ZBTB20: variants seen among roughly 807,000 people sequenced by gnomAD.
The protein encoded by ZBTB20 is zinc finger and BTB domain containing 20.
A neutral mutation model predicts 56.9 loss-of-function variants in ZBTB20; 9 were observed. The ratio of observed to expected loss-of-function variants is 0.16; its 90% CI spans 0.10 to 0.28. The LOEUF is 0.28. ZBTB20 is among the 10% of genes least tolerant of loss of function. The pLI, the probability that ZBTB20 is intolerant of heterozygous loss-of-function variation, is 1.00. For missense variants in ZBTB20, 655 were observed against 1,003.0 expected (o/e 0.65, Z 4.69); for synonymous variants, 417 against 420.7 (o/e 0.99, Z 0.11).
chr3:114,844,520 C>CAAAAAAAAAAAAA lies in ZBTB20; in HGVS notation c.-416-43359_-416-43347dup, dbSNP rs71146342. Among the ~76,000 whole-genome samples, 44 of 22,808 alleles carry CAAAAAAAAAAAAA rather than the reference C, an allele frequency of 1.9e-3. 12 individuals are homozygous for CAAAAAAAAAAAAA. The highest frequency in any genetic ancestry group is 3.1e-3 in the East Asian group (2 of 644). 15.0% of individuals were successfully genotyped at this position (22,808 alleles called of 152,430 possible). A position where few individuals can be genotyped will look rare whatever the true frequency, so the allele number is the denominator to read the frequency against. On this transcript the variant is annotated intron_variant, in intron 4 of 11. Transcript: ENST00000675478. ...TGGTTGACAGAGCAAGTCCCTGTCT[C>CAAAAAAAAAAAAA]AAAAAAAAAAAAAAAAAAAAAAAAA...
rs536184045 is a variant in ZBTB20, at chr3:115,109,079, T to C, written c.-702-37665A>G. On this transcript the variant is annotated intron_variant, in intron 1 of 11. Transcript: ENST00000675478. ...AAAAATGTTATTTGTAATATCTCCC[T>C]GGCTCCAGAACAACGTATTAGACAC... Among the ~76,000 whole-genome samples, 68 of 152,300 alleles carry C rather than the reference T, an allele frequency of 4.5e-4. No homozygotes were observed. The South Asian group carries it at 0.011, about 26-fold the overall frequency.
chr3:114,722,825 C>A (rs1342473076), intron 5 of ZBTB20, among the ~76,000 whole-genome samples: 1 of 152,210 alleles, frequency 6.6e-6, no homozygotes, highest in African/African-American at 2.4e-5. Context: ...CATTTTATTT[C>A]TTCCAATCAA....
chr3:114,670,016 T>C (rs1176731692), intron 6 of ZBTB20, among the ~76,000 whole-genome samples: 1 of 152,092 alleles, frequency 6.6e-6, no homozygotes, highest in African/African-American at 2.4e-5. Flanking sequence ...TTGTGAGAAT[T>C]ATTATGAATA....
chr3:114,936,495 G>A (rs1049016773), intron 3 of ZBTB20, among the ~76,000 whole-genome samples: 13 of 152,002 alleles, frequency 8.6e-5, no homozygotes, highest in African/African-American at 3.1e-4. Context: ...AGTATTGAAT[G>A]AGACCCTCAT....
intron 7 of ZBTB20, among the ~76,000 whole-genome samples, chr3:114,492,846 C>T (rs576840915): frequency 3.3e-4 from 51 of 152,310 alleles, no homozygotes; most frequent in African/African-American, 1.1e-3. Context: ...AACATTGGTG[C>T]AATCCATCTG....
intron 3 of ZBTB20, among the ~76,000 whole-genome samples, chr3:114,963,855 A>C (rs2107990341): frequency 6.6e-6 from 1 of 152,292 alleles, no homozygotes; most frequent in Middle Eastern, 3.4e-3. Context: ...AAGCATCAAA[A>C]CAAACACCTT....
chr3:114,630,758 A>C (rs1428886327), intron 6 of ZBTB20, among the ~76,000 whole-genome samples: 1 of 152,226 alleles, frequency 6.6e-6, no homozygotes, highest in Admixed American at 6.5e-5. Flanking sequence ...TAGCAAAGAA[A>C]AAATATTTAA....
intron 6 of ZBTB20, among the ~76,000 whole-genome samples, chr3:114,607,855 T>A (rs1424519013): frequency 6.6e-6 from 1 of 152,156 alleles, no homozygotes. Context: ...AGCACAAAAA[T>A]CATCATATAT....
At chr3:114,496,243 A>G (rs2043269871) in intron 7 of ZBTB20, among the ~76,000 whole-genome samples, 1 of 152,214 alleles carries the variant, frequency 6.6e-6, no homozygotes, top group Non-Finnish European at 1.5e-5. Context: ...CCGGCTGTGC[A>G]TGCCATATTG....
At chr3:114,419,795 C>T (rs2088965192) in intron 7 of ZBTB20, among the ~76,000 whole-genome samples, 1 of 152,116 alleles carries the variant, frequency 6.6e-6, no homozygotes, top group African/African-American at 2.4e-5. Flanking sequence ...GAGAAACATA[C>T]CGTGTGCATG....
At chr3:114,405,333 T>C (rs1189785670) in intron 7 of ZBTB20, among the ~76,000 whole-genome samples, 2 of 152,112 alleles carry the variant, frequency 1.3e-5, no homozygotes, top group Admixed American at 1.3e-4. Context: ...AGAGAGAACA[T>C]GGGGCATAGC....
At chr3:114,686,608 T>C (rs1364991783) in intron 6 of ZBTB20, among the ~76,000 whole-genome samples, 1 of 152,180 alleles carries the variant, frequency 6.6e-6, no homozygotes, top group Non-Finnish European at 1.5e-5. Context: ...GTCTCACATA[T>C]GCCCGTTTCT....
intron 4 of ZBTB20, among the ~76,000 whole-genome samples, chr3:114,812,917 CG>C (rs1330513371): frequency 6.6e-6 from 1 of 152,116 alleles, no homozygotes; most frequent in East Asian, 1.9e-4. Context: ...CCTCACTGCC[CG>C]GGGCCGGTGG....
At chr3:114,986,071 A>G (rs997547959) in intron 2 of ZBTB20, among the ~76,000 whole-genome samples, 1 of 152,092 alleles carries the variant, frequency 6.6e-6, no homozygotes, top group African/African-American at 2.4e-5. Context: ...GAGATTTAGA[A>G]AGAAAATTTG....
chr3:114,992,310 T>A (rs938375180), intron 2 of ZBTB20, among the ~76,000 whole-genome samples: 1 of 152,022 alleles, frequency 6.6e-6, no homozygotes, highest in Non-Finnish European at 1.5e-5. Context: ...TGCACTTCTA[T>A]AGAAAAATTA....
intron 5 of ZBTB20, among the ~76,000 whole-genome samples, chr3:114,738,187 A>C (rs1216915034): frequency 6.6e-6 from 1 of 152,052 alleles, no homozygotes; most frequent in Non-Finnish European, 1.5e-5. Context: ...TTTGATATAA[A>C]TATACTAGAT....
At chr3:114,964,874 T>TA (rs1227942065) in intron 3 of ZBTB20, among the ~76,000 whole-genome samples, 3 of 152,194 alleles carry the variant, frequency 2.0e-5, no homozygotes, top group Non-Finnish European at 4.4e-5. Context: ...TCCTTCAAAT[T>TA]AAACTGAATT....
At chr3:115,027,770 C>T (rs2108329864) in intron 2 of ZBTB20, among the ~76,000 whole-genome samples, 1 of 150,762 alleles carries the variant, frequency 6.6e-6, no homozygotes, top group South Asian at 2.1e-4. Context: ...AATTGAAAAT[C>T]TCAGGACATA....
chr3:115,090,773 G>C (rs1440088994), intron 1 of ZBTB20, among the ~76,000 whole-genome samples: 2 of 151,736 alleles, frequency 1.3e-5, no homozygotes, highest in East Asian at 3.9e-4. Context: ...AGGTAGATAG[G>C]AAAGGTAATA....
Sources: allele counts gnomAD v4.1 joint callset (sites outside exome capture counted in the v4.1 genomes callset), GRCh38; gene constraint gnomAD v4.1.1; transcripts MANE v1.5; gene names NCBI Gene and HGNC (gene_info 2026-07-23, HGNC 2026-07-21).